The following KDM4C variants were observed in gnomAD, a reference collection of about 807,000 sequenced individuals.
KDM4C encodes lysine demethylase 4C, also known as lysine-specific demethylase 4C.
A neutral mutation model predicts 129.3 loss-of-function variants in KDM4C; 81 were observed. The ratio of observed to expected loss-of-function variants is 0.63; its 90% CI spans 0.52 to 0.75. The LOEUF is 0.75. KDM4C is among the 30% of genes least tolerant of loss of function. KDM4C has a pLI of 0.00. For synonymous variants in KDM4C, 573 were observed against 456.1 expected (o/e 1.26, Z -3.26); for missense variants, 1,457 against 1,304.0 (o/e 1.12, Z -1.81).
In KDM4C at chr9:6,970,930, C is replaced by T. The variant is rs563250158; in HGVS notation, c.922-9995C>T. Among the ~76,000 whole-genome samples the T allele has an allele frequency of 3.0e-4, 45 of 152,204 alleles. No homozygotes were observed. The South Asian group carries it at 6.0e-3, about 20-fold the overall frequency. ...CCCATCATTCCCTCGGCTCTACCGTCTTCTCCCTTTTAATTTGGTCTTTCA... is the reference window on the plus strand; with the variant it reads ...CCCATCATTCCCTCGGCTCTACCGTTTTCTCCCTTTTAATTTGGTCTTTCA... On this transcript the variant is annotated intron_variant, in intron 8 of 21. Transcript: ENST00000381309.
chr9:6,950,745 A>C (rs529186192), intron 8 of KDM4C, among the ~76,000 whole-genome samples: 1 of 152,296 alleles, frequency 6.6e-6, no homozygotes, highest in South Asian at 2.1e-4. Flanking sequence ...GAGAGAAAGC[A>C]TACTTTTTTA....
intron 12 of KDM4C, among the ~76,000 whole-genome samples, chr9:6,992,206 C>A (rs1319129847): frequency 6.6e-6 from 1 of 152,142 alleles, no homozygotes; most frequent in Non-Finnish European, 1.5e-5. Context: ...TAAGGCTGTA[C>A]CAACACATAG....
chr9:6,998,266 T>C (rs1446589055), intron 12 of KDM4C, among the ~76,000 whole-genome samples: 2 of 152,212 alleles, frequency 1.3e-5, no homozygotes, highest in Non-Finnish European at 2.9e-5. Context: ...TATATAATAT[T>C]TTATTCAGTA....
At position 6,886,585 on chromosome 9, in the gene KDM4C, G is replaced by A. The variant is rs190681170; in HGVS notation, c.680-1375G>A. On this transcript the variant is annotated intron_variant, in intron 6 of 21. Transcript: ENST00000381309. ...TGGCTCACTGCAACCTCTACCTCCC[G>A]GGTTCAAGCAATTCTCCTGCCTCAG... 3.3e-3 allele frequency among the ~76,000 whole-genome samples: 485 copies of A among 148,952 alleles called. 2 individuals are homozygous for A. In the Middle Eastern group the frequency reaches 0.033, roughly 10 times the overall value.
chr9:7,021,478 A>T (rs1397661522), intron 15 of KDM4C, among the ~76,000 whole-genome samples: 4 of 152,036 alleles, frequency 2.6e-5, no homozygotes, highest in African/African-American at 7.2e-5. Flanking sequence ...AGGAAGTTCA[A>T]TTCAGATCTT....
At chr9:7,120,068 G>C (rs1368730114) in intron 18 of KDM4C, among the ~76,000 whole-genome samples, 1 of 151,986 alleles carries the variant, frequency 6.6e-6, no homozygotes, top group Non-Finnish European at 1.5e-5. Context: ...TTCTAGTATT[G>C]CTCTTCCTCG....
intron 17 of KDM4C, among the ~76,000 whole-genome samples, chr9:7,078,258 A>G (rs1453751954): frequency 6.6e-6 from 1 of 152,172 alleles, no homozygotes; most frequent in Non-Finnish European, 1.5e-5. Flanking sequence ...TGTAAAATCA[A>G]TGGGAAAAAA....
chr9:6,824,921 A>G (rs1239622113), intron 4 of KDM4C, among the ~76,000 whole-genome samples: 1 of 152,112 alleles, frequency 6.6e-6, no homozygotes, highest in African/African-American at 2.4e-5. Flanking sequence ...AGGCGGGTGG[A>G]TCACCTGAGG....
chr9:6,956,127 A>T (rs1325611111), intron 8 of KDM4C, among the ~76,000 whole-genome samples: 4 of 151,864 alleles, frequency 2.6e-5, no homozygotes, highest in African/African-American at 9.7e-5. Context: ...GGTGATGGGG[A>T]GGTGGGGATG....
chr9:7,081,799 G>A (rs1056314666), intron 17 of KDM4C, among the ~76,000 whole-genome samples: 1 of 152,178 alleles, frequency 6.6e-6, no homozygotes, highest in Non-Finnish European at 1.5e-5. Context: ...GATGAGTTCA[G>A]AGGGGCTAAT....
intron 2 of KDM4C, among the ~76,000 whole-genome samples, chr9:6,793,955 C>G (rs1827242514): frequency 6.6e-6 from 1 of 152,102 alleles, no homozygotes; most frequent in African/African-American, 2.4e-5. Context: ...CAGAATTGTG[C>G]AATCATTACC....
At chr9:6,844,994 C>T (rs764102144) in intron 4 of KDM4C, among the ~76,000 whole-genome samples, 3 of 152,082 alleles carry the variant, frequency 2.0e-5, no homozygotes, top group Non-Finnish European at 4.4e-5. Context: ...AGCCTAGGAC[C>T]CATATTTCTA....
At chr9:6,971,848 G>A (rs185827799) in intron 8 of KDM4C, among the ~76,000 whole-genome samples, 1 of 152,102 alleles carries the variant, frequency 6.6e-6, no homozygotes. Context: ...TTCAAATATG[G>A]TGAGTCAACA....
At chr9:6,924,766 A>T (rs913161999) in intron 8 of KDM4C, 5 of 984,008 alleles carry the variant, frequency 5.1e-6, no homozygotes, top group Non-Finnish European at 6.0e-6. Context: ...AAAACTTAAA[A>T]TGTTTAAAGT....
chr9:7,003,658 T>C (rs549046810), intron 12 of KDM4C, among the ~76,000 whole-genome samples: 22 of 152,292 alleles, frequency 1.4e-4, no homozygotes, highest in African/African-American at 4.8e-4. Flanking sequence ...TACATTAGCA[T>C]TTTGGGGGAA....
intron 4 of KDM4C, among the ~76,000 whole-genome samples, chr9:6,826,550 T>C (rs905945465): frequency 6.6e-6 from 1 of 152,174 alleles, no homozygotes; most frequent in Non-Finnish European, 1.5e-5. Flanking sequence ...TGATAGATGT[T>C]CTTCAACAAG....
chr9:6,973,212 C>CT (rs1445741425), intron 8 of KDM4C, among the ~76,000 whole-genome samples: 2 of 152,102 alleles, frequency 1.3e-5, no homozygotes, highest in African/African-American at 4.8e-5. Context: ...TCTGCTGCTG[C>CT]TTTTTTTCTC....
At chr9:7,128,310 G>A in intron 19 of KDM4C, 74 bp downstream of exon 19, 2 of 1,271,318 alleles carry the variant, frequency 1.6e-6, no homozygotes, top group Non-Finnish European at 2.1e-6. Context: ...GAGCCCTTCA[G>A]AATTTTTCTT....
chr9:7,140,213 G>T lies in KDM4C; in HGVS notation c.2781+11977G>T, dbSNP rs572947257. 4.6e-5 allele frequency among the ~76,000 whole-genome samples: 7 copies of T among 152,118 alleles called. 1 individual carries two copies. The East Asian group carries it at 1.4e-3, about 29-fold the overall frequency. On this transcript the variant is annotated intron_variant, in intron 19 of 21. Transcript: ENST00000381309. Reference sequence around the variant, plus strand: ...ACAACCTGACCATCACCTGATGGTCGCCCTACACTCCTGGTGTATGTGGCA... The same window carrying T: ...ACAACCTGACCATCACCTGATGGTCTCCCTACACTCCTGGTGTATGTGGCA...
Sources: gnomAD v4.1 joint callset for allele counts (sites outside exome capture counted in the v4.1 genomes callset) on GRCh38, gnomAD v4.1.1 for gene constraint, MANE v1.5 for transcripts, NCBI Gene and HGNC (gene_info 2026-07-23, HGNC 2026-07-21) for gene names.